The following PIK3C2G variants were observed in gnomAD, a reference collection of about 807,000 sequenced individuals.
PIK3C2G encodes the protein phosphatidylinositol 3-kinase C2 domain-containing subunit gamma.
PIK3C2G carries 168 observed loss-of-function variants against 181.1 expected under a neutral mutation model. The observed-to-expected ratio is 0.93, with a 90% CI of 0.82 to 1.05. PIK3C2G has a LOEUF of 1.05. Among genes scored for constraint, PIK3C2G ranks in the 50% least tolerant of loss-of-function variants. The probability of loss-of-function intolerance (pLI) is 0.00; values close to 1 mark genes in which losing one functional copy is unlikely to be tolerated. For missense variants in PIK3C2G, 1,869 were observed against 1,732.8 expected (o/e 1.08, Z -1.40); for synonymous variants, 573 against 592.2 (o/e 0.97, Z 0.47).
chr12:18,295,167 CAT>C (rs1334620078), intron 5 of PIK3C2G, among the ~76,000 whole-genome samples: 4 of 150,668 alleles, frequency 2.7e-5, no homozygotes, highest in East Asian at 1.9e-4. Context: ...TATGAAATTA[CAT>C]ATGTTTTGTT....
At chr12:18,696,322 C>CTATA in the PIK3C2G span, 8,913 of 266,394 alleles carry the variant, frequency 0.033, 779 homozygotes, top group Non-Finnish European at 0.04. Context: ...TAAAAAGCCA[C>CTATA]TATATATATA....
intron 11 of PIK3C2G, among the ~76,000 whole-genome samples, chr12:18,357,706 G>A (rs1419350652): frequency 6.6e-6 from 1 of 152,170 alleles, no homozygotes; most frequent in Non-Finnish European, 1.5e-5. Flanking sequence ...GTACAGTAAT[G>A]TTAACTACAT....
chr12:18,618,557 C>A (rs1948706880), intron 31 of PIK3C2G, among the ~76,000 whole-genome samples: 1 of 151,994 alleles, frequency 6.6e-6, no homozygotes, highest in South Asian at 2.1e-4. Flanking sequence ...TAAAAATATC[C>A]ACAATACAAC....
intron 24 of PIK3C2G, among the ~76,000 whole-genome samples, chr12:18,522,832 C>T (rs932087003): frequency 2.2e-4 from 33 of 151,126 alleles, no homozygotes; most frequent in African/African-American, 7.5e-4. Flanking sequence ...CTTTCTAGGC[C>T]CTTTTCTCTC....
At chr12:18,683,364 TA>T in the PIK3C2G span, 1 of 1,582,646 alleles carries the variant, frequency 6.3e-7, no homozygotes, top group African/African-American at 1.3e-5. Context: ...AATAACCAAT[TA>T]ATCAGTGGTG....
At chr12:18,710,994 G>A in the PIK3C2G span, among the ~76,000 whole-genome samples, 1 of 152,024 alleles carries the variant, frequency 6.6e-6, no homozygotes, top group South Asian at 2.1e-4. Context: ...CAGGGATCTA[G>A]AACTAGAAAT....
chr12:18,649,982 CT>C (rs141711295), downstream of PIK3C2G, among the ~76,000 whole-genome samples: 3,841 of 152,122 alleles, frequency 0.025, 72 homozygotes, highest in Non-Finnish European at 0.04. Context: ...TCCCATCAAG[CT>C]TAACTCCTTT....
intron 16 of PIK3C2G, among the ~76,000 whole-genome samples, chr12:18,412,411 G>C (rs963157595): frequency 6.6e-6 from 1 of 152,076 alleles, no homozygotes; most frequent in Non-Finnish European, 1.5e-5. Context: ...ATTTGCTCAT[G>C]ACTGTAGGGT....
the PIK3C2G span, chr12:18,693,704 T>A: frequency 6.4e-7 from 1 of 1,563,672 alleles, no homozygotes; most frequent in African/African-American, 1.4e-5. Context: ...GCGAACAACG[T>A]TGGAACTGCT....
chr12:18,502,773 T>G (rs1307048690), intron 22 of PIK3C2G, among the ~76,000 whole-genome samples: 1 of 152,242 alleles, frequency 6.6e-6, no homozygotes, highest in Non-Finnish European at 1.5e-5. Flanking sequence ...GCTCTCTAGA[T>G]GTTCACTGCT....
upstream of PIK3C2G, among the ~76,000 whole-genome samples, chr12:18,260,999 T>G (rs1948217549): frequency 6.6e-6 from 1 of 152,116 alleles, no homozygotes; most frequent in African/African-American, 2.4e-5. Flanking sequence ...CTATGCATCC[T>G]AAGGCTAAAC....
chr12:18,305,007 G>A (rs770393840), intron 5 of PIK3C2G, among the ~76,000 whole-genome samples: 4 of 152,146 alleles, frequency 2.6e-5, no homozygotes, highest in Non-Finnish European at 4.4e-5. Context: ...AAAAAAGTGT[G>A]TTCTGTTAAT....
intron 16 of PIK3C2G, among the ~76,000 whole-genome samples, chr12:18,411,943 A>G (rs1165914498): frequency 6.6e-6 from 1 of 152,174 alleles, no homozygotes; most frequent in Non-Finnish European, 1.5e-5. Context: ...GAAAAAAACA[A>G]TAAGGGGAGA....
chr12:18,519,155 A>G (rs1488030243), intron 24 of PIK3C2G, among the ~76,000 whole-genome samples: 1 of 152,144 alleles, frequency 6.6e-6, no homozygotes, highest in Non-Finnish European at 1.5e-5. Flanking sequence ...TTCCAATTAT[A>G]TGGTCAATTT....
Position 18,648,096 on chromosome 12 carries a change from C to A in PIK3C2G, c.*68C>A. 2.0e-6 allele frequency: 2 copies of A among 981,712 alleles called. No homozygotes were observed. Among genetic ancestry groups the A allele is most frequent in the South Asian group, 2.2e-5 (1 of 44,518 alleles). 60.8% of individuals were successfully genotyped at this position (981,712 alleles called of 1,614,324 possible). On this transcript the variant is annotated 3_prime_UTR_variant, in exon 33 of 33. Transcript: ENST00000538779. The stretch of plus-strand genomic sequence containing the variant: ...TTTTTTCACTTCTGGGCCTCTGAAT[C>A]ACATAAGTAAGGCATCTTTGTTGTC...
intron 24 of PIK3C2G, among the ~76,000 whole-genome samples, chr12:18,534,657 C>T (rs907480341): frequency 6.7e-6 from 1 of 149,184 alleles, no homozygotes; most frequent in Non-Finnish European, 1.5e-5. Context: ...GGACTACTTC[C>T]TCTGCTCTTG....
In PIK3C2G at chr12:18,492,206, A is replaced by G. The variant is rs191309599; in HGVS notation, c.2793+648A>G. ...TATTATCTTCCTTCTCAAAAGCCCA[A>G]GAGTACAAAGACACTAACAGAGAAA... is the stretch of plus-strand genomic sequence containing the variant. On this transcript the variant is annotated intron_variant, in intron 20 of 32. Transcript: ENST00000538779. Among the ~76,000 whole-genome samples, 22 of 152,304 alleles carry G rather than the reference A, an allele frequency of 1.4e-4. No individual in the cohort carries two copies. In the Middle Eastern group the frequency reaches 0.01, roughly 71 times the overall value.
intron 9 of PIK3C2G, among the ~76,000 whole-genome samples, chr12:18,341,116 A>C (rs538243765): frequency 6.6e-6 from 1 of 152,308 alleles, no homozygotes; most frequent in African/African-American, 2.4e-5. Context: ...CGAGGAAAAT[A>C]TAATTTTAGG....
At chr12:18,582,535 C>A (rs1252882685) in intron 29 of PIK3C2G, among the ~76,000 whole-genome samples, 1 of 152,138 alleles carries the variant, frequency 6.6e-6, no homozygotes, top group Non-Finnish European at 1.5e-5. Context: ...TGCAACTCTG[C>A]CAAAGCGAAA....
Sources: gnomAD v4.1 joint callset for allele counts (sites outside exome capture counted in the v4.1 genomes callset) on GRCh38, gnomAD v4.1.1 for gene constraint, MANE v1.5 for transcripts, NCBI Gene and HGNC (gene_info 2026-07-23, HGNC 2026-07-21) for gene names.